The following CFAP221 variants were observed in gnomAD, a reference collection of about 807,000 sequenced individuals.
CFAP221 encodes cilia- and flagella-associated protein 221.
CFAP221 carries 97 observed loss-of-function variants against 113.1 expected under a neutral mutation model. The ratio of observed to expected loss-of-function variants is 0.86; its 90% CI spans 0.73 to 1.02. The LOEUF (loss-of-function observed/expected upper bound fraction) is 1.02. CFAP221 is among the 50% of genes least tolerant of loss of function. The pLI is 0.00. For missense variants in CFAP221, 1,025 were observed against 1,013.4 expected (o/e 1.01, Z -0.16); for synonymous variants, 331 against 354.4 (o/e 0.93, Z 0.74).
chr2:119,550,733 C>T (rs141452465), intron 3 of CFAP221, among the ~76,000 whole-genome samples: 1,677 of 152,244 alleles, frequency 0.011, 36 homozygotes, highest in African/African-American at 0.039. Context: ...TTTCTTACTG[C>T]TTTATTGAGT....
chr2:119,564,720 A>G (rs954741864), intron 6 of CFAP221, among the ~76,000 whole-genome samples: 4 of 152,212 alleles, frequency 2.6e-5, no homozygotes, highest in African/African-American at 7.2e-5. Flanking sequence ...GCTCACTGCT[A>G]TATACTGTCC....
chr2:119,610,451 CTCA>C (rs1270979214), intron 12 of CFAP221, among the ~76,000 whole-genome samples: 2 of 152,158 alleles, frequency 1.3e-5, no homozygotes, highest in Non-Finnish European at 2.9e-5. Flanking sequence ...TGAGCTTTTA[CTCA>C]TCATCAAGTC....
At chr2:119,568,438 G>C (rs558343752) in intron 6 of CFAP221, among the ~76,000 whole-genome samples, 135 of 152,154 alleles carry the variant, frequency 8.9e-4, no homozygotes, top group African/African-American at 3.1e-3. Context: ...CCATCACCTA[G>C]GTATTAAGCC....
intron 7 of CFAP221, among the ~76,000 whole-genome samples, chr2:119,592,589 G>C (rs148720621): frequency 1.4e-4 from 22 of 152,322 alleles, no homozygotes; most frequent in African/African-American, 5.1e-4. Context: ...TTTATTCCAT[G>C]TTCCCTACAT....
intron 19 of CFAP221, among the ~76,000 whole-genome samples, chr2:119,632,501 C>T (rs910998319): frequency 6.6e-6 from 1 of 152,200 alleles, no homozygotes; most frequent in East Asian, 1.9e-4. Flanking sequence ...AAATAATGGT[C>T]ATCTATTTAA....
chr2:119,578,201 G>T (rs1682589469), intron 6 of CFAP221, among the ~76,000 whole-genome samples: 1 of 152,184 alleles, frequency 6.6e-6, no homozygotes, highest in South Asian at 2.1e-4. Context: ...CTTAGGCCTT[G>T]GCCTTAAGAA....
chr2:119,657,061 G>T (rs1326219962), downstream of CFAP221, among the ~76,000 whole-genome samples: 1 of 152,142 alleles, frequency 6.6e-6, no homozygotes, highest in African/African-American at 2.4e-5. Flanking sequence ...GGAGCCAGGA[G>T]TTCCAGTGAA....
At chr2:119,655,417 TTTAA>T (rs1688371389) in intron 23 of CFAP221, among the ~76,000 whole-genome samples, 1 of 152,240 alleles carries the variant, frequency 6.6e-6, no homozygotes, top group African/African-American at 2.4e-5. Flanking sequence ...AATTAATTTC[TTTAA>T]TTATGTGCAT....
At chr2:119,651,040 TAA>T (rs890472100) in intron 22 of CFAP221, among the ~76,000 whole-genome samples, 2 of 152,214 alleles carry the variant, frequency 1.3e-5, no homozygotes, top group African/African-American at 4.8e-5. Context: ...AACTAGAGGC[TAA>T]GTTTCCCAGC....
At chr2:119,648,983 C>T (rs1486438960) in intron 22 of CFAP221, among the ~76,000 whole-genome samples, 2 of 152,204 alleles carry the variant, frequency 1.3e-5, no homozygotes, top group African/African-American at 4.8e-5. Flanking sequence ...CTGACTCCTG[C>T]GCTGGTAGCA....
rs917444245 is a variant in CFAP221, at chr2:119,625,594, G to A, written c.1422G>A (p.Gln474=). 3 of 1,612,090 alleles carry A rather than the reference G, an allele frequency of 1.9e-6. No individual in the cohort carries two copies. In the African/African-American group the frequency reaches 4.0e-5, roughly 22 times the overall value. ...FQQVARKVMI[Q]GRLFNMLSAV... is the part of the protein sequence containing the mutation. ...CACTCCAATTTCAGGTCATGATTCA[G>A]GGACGATTATTCAATATGCTGAGTG... Residue 474 remains glutamine, a synonymous_variant, in exon 15 of 24, where the codon CAG becomes CAA. Coordinates refer to ENST00000413369, the MANE Select transcript of CFAP221 (RefSeq NM_001271049.2).
chr2:119,637,063 G>A (rs1018123470), intron 19 of CFAP221, among the ~76,000 whole-genome samples: 1 of 152,132 alleles, frequency 6.6e-6, no homozygotes, highest in Non-Finnish European at 1.5e-5. Context: ...CCCATAGGGT[G>A]GGCCCAGCCC....
chr2:119,549,232 A>G, intron 3 of CFAP221, 47 bp downstream of exon 3: 1 of 1,365,488 alleles, frequency 7.3e-7, no homozygotes, highest in South Asian at 1.3e-5. Context: ...ATGAAGTGAC[A>G]AAAATGTTCT....
chr2:119,606,982 A>G (rs1684815984), intron 11 of CFAP221, among the ~76,000 whole-genome samples: 1 of 152,114 alleles, frequency 6.6e-6, no homozygotes, highest in African/African-American at 2.4e-5. Context: ...TCACCCCAAA[A>G]TACTTCAGTA....
At chr2:119,657,126 C>A (rs1007366964), downstream of CFAP221, among the ~76,000 whole-genome samples, 1 of 152,168 alleles carries the variant, frequency 6.6e-6, no homozygotes, top group African/African-American at 2.4e-5. Context: ...TGACTGCCTT[C>A]ATATGCACAG....
intron 14 of CFAP221, among the ~76,000 whole-genome samples, chr2:119,619,830 C>CT (rs1685779875): frequency 6.6e-6 from 1 of 152,024 alleles, no homozygotes; most frequent in South Asian, 2.1e-4. Flanking sequence ...TGAAAGAAAG[C>CT]TAAGAACCTT....
chr2:119,559,815 T>G (rs1309531950), intron 4 of CFAP221, 40 bp downstream of exon 4: 4 of 1,488,762 alleles, frequency 2.7e-6, no homozygotes, highest in Non-Finnish European at 3.6e-6. Context: ...ACGGTGTGGT[T>G]GTCTGCGTCT....
chr2:119,615,656 A>G lies in CFAP221; in HGVS notation c.1357A>G (p.Thr453Ala). Reference protein sequence around the residue: ...HPTFDPLINNTWLSRSRAQKR... With the variant: ...HPTFDPLINNAWLSRSRAQKR... ...TACTTTTGATCCACTCATTAATAACACTTGGCTCAGCAGGTCCAGGGCACA... is the reference window on the plus strand; with the variant it reads ...TACTTTTGATCCACTCATTAATAACGCTTGGCTCAGCAGGTCCAGGGCACA... The change falls in exon 14 of 24, where the codon ACT (threonine) becomes GCT (alanine). Residue 453 changes from threonine (T) to alanine (A), a missense_variant. By Grantham distance (58) the Thr-to-Ala change is moderately conservative. Coordinates refer to ENST00000413369, the MANE Select transcript of CFAP221 (RefSeq NM_001271049.2). 1 of 1,613,306 alleles carries G rather than the reference A, an allele frequency of 6.2e-7. No homozygotes were observed. The highest frequency in any genetic ancestry group is 8.5e-7 in the Non-Finnish European group (1 of 1,179,654).
At position 119,630,893 on chromosome 2, in the gene CFAP221, T is replaced by C. The variant is rs755402898; in HGVS notation, c.1966T>C (p.Tyr656His). 1.1e-5 allele frequency: 17 copies of C among 1,612,756 alleles called. No individual in the cohort carries two copies. The highest frequency in any genetic ancestry group is 1.4e-5 in the Non-Finnish European group (17 of 1,178,880). Residue 656 changes from tyrosine (Y) to histidine (H), a missense_variant, in exon 19 of 24, where the codon TAT (tyrosine) becomes CAT (histidine). By Grantham distance (83) the Tyr-to-His change is moderately conservative. Coordinates refer to ENST00000413369, the MANE Select transcript of CFAP221 (RefSeq NM_001271049.2). ...CATGTCTCTAGATTATGATCCTCTGTATGTTTTTGTAAGTGACAACTGGCA... is the reference window on the plus strand; with the variant it reads ...CATGTCTCTAGATTATGATCCTCTGCATGTTTTTGTAAGTGACAACTGGCA... The part of the protein sequence containing the change: ...LAMSLDYDPL[Y>H]VFNPNPGLFA...
Sources: gnomAD v4.1 joint callset for allele counts (sites outside exome capture counted in the v4.1 genomes callset) on GRCh38, gnomAD v4.1.1 for gene constraint, MANE v1.5 for transcripts, NCBI Gene and HGNC (gene_info 2026-07-23, HGNC 2026-07-21) for gene names.